SMARCA4: variants seen among roughly 807,000 people sequenced by gnomAD.
SMARCA4 encodes SWI/SNF related BAF chromatin remodeling complex subunit ATPase 4, also known as SWI/SNF-related matrix-associated actin-dependent regulator of chromatin subfamily A member 4.
A neutral mutation model predicts 193.9 loss-of-function variants in SMARCA4; 31 were observed. The ratio of observed to expected loss-of-function variants is 0.16; its 90% CI spans 0.12 to 0.22. The LOEUF (loss-of-function observed/expected upper bound fraction) is 0.22, where lower values mean the gene tolerates loss of function less well. SMARCA4 is among the 10% of genes least tolerant of loss of function. SMARCA4 has a pLI of 1.00. For synonymous variants in SMARCA4, 942 were observed against 933.1 expected (o/e 1.01, Z -0.17); for missense variants, 1,148 against 2,296.0 (o/e 0.50, Z 10.22).
intron 30 of SMARCA4, among the ~76,000 whole-genome samples, chr19:11,052,107 AT>A (rs1354514698): frequency 3.9e-5 from 6 of 152,192 alleles, no homozygotes; most frequent in Admixed American, 1.3e-4. Flanking sequence ...AAATAAATAA[AT>A]AAAAATAGAT....
At chr19:10,967,829 C>T (rs544715996) in intron 1 of SMARCA4, among the ~76,000 whole-genome samples, 1 of 151,570 alleles carries the variant, frequency 6.6e-6, no homozygotes, top group African/African-American at 2.4e-5. Flanking sequence ...GGATTACAGG[C>T]GTGCGCCACC....
intron 19 of SMARCA4, among the ~76,000 whole-genome samples, chr19:11,023,183 C>G (rs2089999143): frequency 6.6e-6 from 1 of 152,158 alleles, no homozygotes; most frequent in Non-Finnish European, 1.5e-5. Flanking sequence ...TGGGGTGGGT[C>G]TGTGGACACT....
chr19:11,038,250 C>T (rs1274957579), intron 29 of SMARCA4, among the ~76,000 whole-genome samples: 2 of 152,216 alleles, frequency 1.3e-5, no homozygotes, highest in Non-Finnish European at 2.9e-5. Context: ...GTCACCCCAT[C>T]TCTGCCTCTG....
chr19:11,039,553 G>A lies in SMARCA4; in HGVS notation c.4171-1754G>A, dbSNP rs896036433. 3 of 1,589,082 alleles carry A rather than the reference G, an allele frequency of 1.9e-6. No homozygotes were observed. The highest frequency in any genetic ancestry group is 1.7e-4 in the Middle Eastern group (1 of 5,892). On this transcript the variant is annotated intron_variant, in intron 29 of 34. Transcript: ENST00000344626. ...TTCAGTTCTGCACACGTGCGTCAAA[G>A]GTGGGGAGAGTTCTGGTGGTGGGTG...
At chr19:11,022,762 A>T (rs2146439982) in intron 19 of SMARCA4, among the ~76,000 whole-genome samples, 1 of 152,244 alleles carries the variant, frequency 6.6e-6, no homozygotes, top group East Asian at 1.9e-4. Flanking sequence ...GTCAAGGCAG[A>T]GACTCTTCTG....
rs1482864360 is a variant in SMARCA4 at position 11,034,938 on chromosome 19, G to C, written c.3976G>C (p.Glu1326Gln). ...FMRMDLDRRR[E>Q]EARNPKRKPR... ...GCGCATGGACCTGGACCGCAGGCGC[G>C]AGGAGGCCCGCAACCCCAAGCGGAA... Residue 1326 changes from glutamate (E) to glutamine (Q), a missense_variant, in exon 29 of 35, where the codon GAG becomes CAG. Physicochemically the swap from Glu to Gln is conservative, Grantham distance 29. This residue lies in a region of SMARCA4 where 84 missense variants were observed against 202.2 expected (regional missense o/e 0.42). Transcript: ENST00000344626. The surrounding 1 kb of genome is among the most constrained non-coding windows in gnomAD (Gnocchi z 7.0). 1.3e-6 allele frequency: 2 copies of C among 1,580,918 alleles called. No homozygotes were observed.
chr19:10,984,490 C>A lies in SMARCA4; in HGVS notation c.222+117C>A, dbSNP rs949174041. 6.5e-7 allele frequency: 1 copy of A among 1,527,824 alleles called. No homozygotes were observed. The highest frequency in any genetic ancestry group is 8.8e-7 in the Non-Finnish European group (1 of 1,130,714). 94.6% of individuals were successfully genotyped at this position (1,527,824 alleles called of 1,614,324 possible). A position where few individuals can be genotyped will look rare whatever the true frequency, so the allele number is the denominator to read the frequency against. On this transcript the variant is annotated intron_variant, in intron 2 of 34. Coordinates refer to ENST00000344626, the MANE Select transcript of SMARCA4 (RefSeq NM_003072.5). The surrounding 1 kb of genome is among the most constrained non-coding windows in gnomAD (Gnocchi z 4.3). ...GGGGAAGCCTTCTTGTTGGAGGTGT[C>A]CTGCCTTGGCTCAGCCCCCTACCCC...
rs1314868633 is a variant in SMARCA4 at position 10,996,332 on chromosome 19, C to A, written c.1713C>A (p.His571Gln). 1 of 1,614,074 alleles carries A rather than the reference C, an allele frequency of 6.2e-7. No homozygotes were observed. ...ACCTCACGGAGCTGGTGCGGCAGCA[C>A]AAGGCTGCCCAGGTCGCCAAGGAGA... ...VANLTELVRQ[H>Q]KAAQVAKEKK... The change falls in exon 10 of 35, where the codon CAC becomes CAA. Residue 571 changes from histidine to glutamine, a missense_variant. Physicochemically the swap from His to Gln is conservative, Grantham distance 24 (BLOSUM62 0). Transcript: ENST00000344626.
intron 8 of SMARCA4, among the ~76,000 whole-genome samples, chr19:10,992,306 G>A (rs1010894029): frequency 1.1e-4 from 17 of 150,654 alleles, no homozygotes; most frequent in Non-Finnish European, 7.4e-5. Context: ...TAGTAGAGAT[G>A]GGGTTTCACC....
rs2146454794 is a variant in SMARCA4 at position 11,023,598 on chromosome 19, C to T, written c.2940C>T (p.Leu980=). The T allele has an allele frequency of 1.2e-6, 2 of 1,612,416 alleles. No individual in the cohort carries two copies. Among genetic ancestry groups the T allele is most frequent in the Non-Finnish European group, 1.7e-6 (2 of 1,179,182 alleles). The part of the protein sequence containing the change: ...KVLRPFLLRR[L]KKEVEAQLPE... The stretch of plus-strand genomic sequence containing the variant: ...TGCGGCCCTTCTTGCTCCGACGACT[C>T]AAGAAGGAAGTCGAGGCCCAGTTGC... Residue 980 remains leucine, a synonymous_variant, in exon 20 of 35, where the codon CTC becomes CTT. Transcript: ENST00000344626.
chr19:10,982,978 A>T (rs1232815841), intron 1 of SMARCA4, among the ~76,000 whole-genome samples: 35 of 152,216 alleles, frequency 2.3e-4, no homozygotes, highest in Non-Finnish European at 2.9e-5. Context: ...GCTATCAAAA[A>T]ACCCAGGGTG....
chr19:11,046,948 C>CAAAAAAA (rs35450843), intron 30 of SMARCA4, among the ~76,000 whole-genome samples: 1 of 91,836 alleles, frequency 1.1e-5, no homozygotes, highest in Admixed American at 1.2e-4. Flanking sequence ...GACCCTGTTG[C>CAAAAAAA]AAAAAAAAAA....
chr19:11,030,809 C>G lies in SMARCA4; in HGVS notation c.3462C>G (p.Leu1154=), dbSNP rs1060504465. 1.9e-5 allele frequency: 31 copies of G among 1,608,672 alleles called. No homozygotes were observed. Among genetic ancestry groups the G allele is most frequent in the Non-Finnish European group, 2.6e-5 (31 of 1,177,812 alleles). Residue 1154 remains leucine (L), a synonymous_variant, in exon 25 of 35, where the codon CTC becomes CTG. Transcript: ENST00000344626. This position sits in a 1 kb window ranked among gnomAD's most constrained non-coding sequence, Gnocchi z 5.5. ...EPGSEYFIFL[L]STRAGGLGLN... Reference sequence around the variant, plus strand: ...GCTCTGAGTACTTCATCTTCCTGCTCAGCACCCGGGCTGGGGGGCTCGGCC... The same window carrying G: ...GCTCTGAGTACTTCATCTTCCTGCTGAGCACCCGGGCTGGGGGGCTCGGCC...
chr19:11,057,602 A>G (rs2076617042), intron 30 of SMARCA4, among the ~76,000 whole-genome samples: 1 of 152,038 alleles, frequency 6.6e-6, no homozygotes, highest in African/African-American at 2.4e-5. Flanking sequence ...GGTGGCTGGC[A>G]TCTGTAATCC....
intron 30 of SMARCA4, among the ~76,000 whole-genome samples, chr19:11,043,155 G>C (rs942948431): frequency 6.6e-6 from 1 of 152,126 alleles, no homozygotes; most frequent in Admixed American, 6.6e-5. Flanking sequence ...GCCGAGCGTA[G>C]TGGTGCATGC....
chr19:11,006,707 G>T (rs747607089), intron 13 of SMARCA4, among the ~76,000 whole-genome samples: 6 of 152,146 alleles, frequency 3.9e-5, no homozygotes, highest in African/African-American at 7.2e-5. Context: ...GACGTGTAAT[G>T]TTCATTGTAT....
At chr19:11,048,012 A>G (rs1172618016) in intron 30 of SMARCA4, among the ~76,000 whole-genome samples, 1 of 152,170 alleles carries the variant, frequency 6.6e-6, no homozygotes, top group Non-Finnish European at 1.5e-5. Flanking sequence ...TCTGTATGAC[A>G]CATCTGTCAG....
chr19:10,984,112 G>A lies in SMARCA4; in HGVS notation c.-31-9G>A, dbSNP rs1231498595. ...CATGAACCCCAGACTGACCAGGACT[G>A]TCTTCCAGCAGGAGGCCACTGTCTG... On this transcript the variant is annotated splice_polypyrimidine_tract_variant and intron_variant, in intron 1 of 34. Transcript: ENST00000344626. The surrounding 1 kb of genome is among the most constrained non-coding windows in gnomAD (Gnocchi z 4.3). 2 of 1,612,956 alleles carry A rather than the reference G, an allele frequency of 1.2e-6. No homozygotes were observed. Among genetic ancestry groups the A allele is most frequent in the Non-Finnish European group, 8.5e-7 (1 of 1,179,628 alleles).
At chr19:10,978,844 G>T (rs1223414391) in intron 1 of SMARCA4, among the ~76,000 whole-genome samples, 3 of 151,914 alleles carry the variant, frequency 2.0e-5, no homozygotes, top group Admixed American at 1.3e-4. Context: ...AGCTACTCGG[G>T]AAGCTGAGGC....
Sources: allele counts gnomAD v4.1 joint callset (sites outside exome capture counted in the v4.1 genomes callset), GRCh38; gene constraint gnomAD v4.1.1; regional missense constraint gnomAD v4.1.1; non-coding constraint Gnocchi (gnomAD v3.1); transcripts MANE v1.5; gene names NCBI Gene and HGNC (gene_info 2026-07-23, HGNC 2026-07-21).